TWF2: variants seen among roughly 807,000 people sequenced by gnomAD.
TWF2 encodes twinfilin-2.
A neutral mutation model predicts 45.1 loss-of-function variants in TWF2; 15 were observed. The ratio of observed to expected loss-of-function variants is 0.33; its 90% CI spans 0.22 to 0.51. TWF2 has a LOEUF of 0.51. TWF2 is among the 20% of genes least tolerant of loss of function. The pLI is 0.97. For synonymous variants in TWF2, 177 were observed against 195.8 expected (o/e 0.90, Z 0.80); for missense variants, 423 against 469.1 (o/e 0.90, Z 0.91).
intron 3 of TWF2, 107 bp from the exon 4 acceptor site, chr3:52,231,646 C>G: frequency 1.5e-6 from 2 of 1,300,116 alleles, no homozygotes; most frequent in East Asian, 4.7e-5. Flanking sequence ...GCTGGCACAC[C>G]TGGCAGAGGG....
chr3:52,231,055 A>C (rs183341378), intron 5 of TWF2, 60 bp from the exon 6 acceptor site: 1 of 1,609,082 alleles, frequency 6.2e-7, no homozygotes, highest in Non-Finnish European at 8.5e-7. Flanking sequence ...TGTGGCTCCC[A>C]GGCAGCACAG....
chr3:52,239,039 G>A lies in TWF2; in HGVS notation c.-23C>T, dbSNP rs570488581. 7 of 1,593,626 alleles carry A rather than the reference G, an allele frequency of 4.4e-6. No homozygotes were observed. Among genetic ancestry groups the A allele is most frequent in the South Asian group, 1.1e-5 (1 of 90,568 alleles). ...CATGGCTCGGCGCTTCGCTCCGTCC[G>A]CGCCGTCGGAGCCCTCCGCTTGACC... On this transcript the variant is annotated 5_prime_UTR_variant, in exon 1 of 9. Transcript: ENST00000305533.
rs1216419011 is a variant in TWF2 at position 52,235,210 on chromosome 3, A to C, written c.26-104T>G. ...GGGTCTGGTGGCTGAGCTGGGAACC[A>C]GGTTAAATACAGCCCCCCATGTGAC... On this transcript the variant is annotated intron_variant, in intron 1 of 8. Transcript: ENST00000305533. 3 of 1,191,562 alleles carry C rather than the reference A, an allele frequency of 2.5e-6. No individual in the cohort carries two copies. In the East Asian group the frequency reaches 7.5e-5, roughly 30 times the overall value. 73.8% of individuals were successfully genotyped at this position (1,191,562 alleles called of 1,614,324 possible).
chr3:52,229,135 G>A lies in TWF2; in HGVS notation c.949C>T (p.His317Tyr). 1 of 1,613,620 alleles carries A rather than the reference G, an allele frequency of 6.2e-7. No individual in the cohort carries two copies. Residue 317 changes from histidine (H) to tyrosine (Y), a missense_variant, in exon 9 of 9, where the codon CAC becomes TAC. Coordinates refer to ENST00000305533, the MANE Select transcript of TWF2 (RefSeq NM_007284.4). Reference sequence around the variant, plus strand: ...TTGGCGAAGGCCTGCTTGAAGGCGTGTTGCTTGGGGTGCACCTCGTCGTAG... The same window carrying A: ...TTGGCGAAGGCCTGCTTGAAGGCGTATTGCTTGGGGTGCACCTCGTCGTAG... The part of the protein sequence containing the change: ...FLYDEVHPKQ[H>Y]AFKQAFAKPK...
intron 8 of TWF2, 101 bp from the exon 9 acceptor site, chr3:52,229,302 A>C (rs781661894): frequency 6.8e-5 from 101 of 1,474,684 alleles, no homozygotes; most frequent in Non-Finnish European, 8.5e-5. Context: ...CTCACATCCT[A>C]GCCCTGGGGT....
intron 1 of TWF2, among the ~76,000 whole-genome samples, chr3:52,237,922 C>T (rs1358246321): frequency 6.6e-6 from 1 of 152,250 alleles, no homozygotes; most frequent in Non-Finnish European, 1.5e-5. Flanking sequence ...GCCAAACCCG[C>T]CAGGCTGTCT....
intron 1 of TWF2, among the ~76,000 whole-genome samples, chr3:52,238,144 G>C (rs1699744411): frequency 6.6e-6 from 1 of 152,166 alleles, no homozygotes. Flanking sequence ...CTGGGGGTGG[G>C]AGCTGGCCTG....
intron 6 of TWF2, 49 bp downstream of exon 6, chr3:52,230,821 G>A (rs1194347259): frequency 6.3e-7 from 1 of 1,591,858 alleles, no homozygotes; most frequent in Non-Finnish European, 8.6e-7. Context: ...TGCATGGGCA[G>A]GAGTAGGGGT....
At position 52,228,897 on chromosome 3, in the gene TWF2, C is replaced by T. The variant is rs766830110; in HGVS notation, c.*137G>A. 2.0e-5 allele frequency: 27 copies of T among 1,333,136 alleles called. No homozygotes were observed. The Admixed American group carries it at 2.4e-4, about 12-fold the overall frequency. The allele number at this position is 1,333,136 out of a possible 1,614,324, so 82.6% of individuals were successfully genotyped here. A position where few individuals can be genotyped will look rare whatever the true frequency, so the allele number is the denominator to read the frequency against. ...AAATGCCAGCCCGGTGGCCCTCGGA[C>T]GCTGCAAGTGCGTTCAGCTGCCAGC... is the stretch of plus-strand genomic sequence containing the variant. On this transcript the variant is annotated 3_prime_UTR_variant, in exon 9 of 9. Coordinates refer to ENST00000305533, the MANE Select transcript of TWF2 (RefSeq NM_007284.4).
chr3:52,235,095 G>A lies in TWF2; in HGVS notation c.37C>T (p.Leu13=), dbSNP rs151179729. The part of the protein sequence containing the change: ...HQTGIHATEE[L]KEFFAKARAG... ...CGTGCCTTGGCAAAGAATTCCTTCA[G>A]CTCTTCCGTGGCTATAAGAACAAGA... The change falls in exon 2 of 9, where the codon CTG becomes TTG. Residue 13 remains leucine, a synonymous_variant. Transcript: ENST00000305533. 1.9e-5 allele frequency: 31 copies of A among 1,613,836 alleles called. No individual in the cohort carries two copies. The African/African-American group carries it at 3.9e-4, about 20-fold the overall frequency.
At chr3:52,231,297 C>T (rs931527762) in intron 4 of TWF2, 66 bp from the exon 5 acceptor site, 38 of 1,588,206 alleles carry the variant, frequency 2.4e-5, no homozygotes, top group South Asian at 1.1e-4. Context: ...AGGAGGCCCA[C>T]GGAGCACGCC....
chr3:52,229,630 G>C (rs779114921), intron 8 of TWF2, 31 bp downstream of exon 8: 9 of 1,611,220 alleles, frequency 5.6e-6, no homozygotes, highest in Non-Finnish European at 7.6e-6. Context: ...GATAGGGCCT[G>C]GGGAGGTGAG....
chr3:52,232,903 G>A (rs936407827), intron 2 of TWF2, among the ~76,000 whole-genome samples: 30 of 152,162 alleles, frequency 2.0e-4, no homozygotes, highest in African/African-American at 5.6e-4. Context: ...CCAGCTGCTC[G>A]GGAGGCTGAG....
In TWF2 at chr3:52,228,944, C is replaced by T; in HGVS notation, c.*90G>A. 2.0e-6 allele frequency: 3 copies of T among 1,533,438 alleles called. No individual in the cohort carries two copies. The highest frequency in any genetic ancestry group is 2.6e-6 in the Non-Finnish European group (3 of 1,139,024). 95.0% of individuals were successfully genotyped at this position (1,533,438 alleles called of 1,614,324 possible). Reference sequence around the variant, plus strand: ...CAGCCCTCCTGACCTCCCAGAAACACTTTCCTGGAGCCCAGGAAGGAGGAT... The same window carrying T: ...CAGCCCTCCTGACCTCCCAGAAACATTTTCCTGGAGCCCAGGAAGGAGGAT... On this transcript the variant is annotated 3_prime_UTR_variant, in exon 9 of 9. Transcript: ENST00000305533.
chr3:52,235,029 C>T lies in TWF2; in HGVS notation c.103G>A (p.Glu35Lys), dbSNP rs745768617. Residue 35 changes from glutamate to lysine, a missense_variant and splice_region_variant, in exon 2 of 9, where the codon GAG becomes AAG. Glu to Lys is a moderately conservative substitution (Grantham distance 56). Transcript: ENST00000305533. The stretch of plus-strand genomic sequence containing the variant: ...ACCCTGGCCTGTGAGGGGCACTCAC[C>T]GTCCTCAATCACAACCTTGATGAGC... ...VRLIKVVIEDEQLVLGASQEP... is the reference protein window; with the variant it reads ...VRLIKVVIEDKQLVLGASQEP... The T allele has an allele frequency of 5.6e-6, 9 of 1,613,498 alleles. No homozygotes were observed. Among genetic ancestry groups the T allele is most frequent in the South Asian group, 2.2e-5 (2 of 91,082 alleles).
Position 52,239,024 on chromosome 3 carries a change from C to A in TWF2, c.-8G>T. Reference sequence around the variant, plus strand: ...GCCCGTTTGGTGCGCCATGGCTCGGCGCTTCGCTCCGTCCGCGCCGTCGGA... The same window carrying A: ...GCCCGTTTGGTGCGCCATGGCTCGGAGCTTCGCTCCGTCCGCGCCGTCGGA... On this transcript the variant is annotated 5_prime_UTR_variant, in exon 1 of 9. Transcript: ENST00000305533. 6.3e-7 allele frequency: 1 copy of A among 1,594,950 alleles called. No individual in the cohort carries two copies. The highest frequency in any genetic ancestry group is 8.5e-7 in the Non-Finnish European group (1 of 1,177,992).
Position 52,228,963 on chromosome 3 carries a change from G to A in TWF2, c.*71C>T. 2 of 1,553,072 alleles carry A rather than the reference G, an allele frequency of 1.3e-6. No individual in the cohort carries two copies. The highest frequency in any genetic ancestry group is 1.7e-6 in the Non-Finnish European group (2 of 1,147,952). On this transcript the variant is annotated 3_prime_UTR_variant, in exon 9 of 9. Transcript: ENST00000305533. ...GAAACACTTTCCTGGAGCCCAGGAAGGAGGATGGTGGCAGGGAGCGGAAGG... is the reference window on the plus strand; with the variant it reads ...GAAACACTTTCCTGGAGCCCAGGAAAGAGGATGGTGGCAGGGAGCGGAAGG...
intron 2 of TWF2, 94 bp downstream of exon 2, chr3:52,234,935 C>A: frequency 6.9e-7 from 1 of 1,441,436 alleles, no homozygotes; most frequent in South Asian, 1.2e-5. Context: ...ATTGAGGTCC[C>A]GGCAGGCCAG....
At chr3:52,232,359 C>T in intron 2 of TWF2, 4 of 558,258 alleles carry the variant, frequency 7.2e-6, no homozygotes, top group Admixed American at 3.4e-5. Flanking sequence ...CGTGCACACA[C>T]CCCCCCACAC....
Sources: allele counts gnomAD v4.1 joint callset (sites outside exome capture counted in the v4.1 genomes callset), GRCh38; gene constraint gnomAD v4.1.1; transcripts MANE v1.5; gene names NCBI Gene and HGNC (gene_info 2026-07-23, HGNC 2026-07-21).